ADAMTS19: variants seen among roughly 807,000 people sequenced by gnomAD.
ADAMTS19 encodes the protein ADAM metallopeptidase with thrombospondin type 1 motif 19, also known as A disintegrin and metalloproteinase with thrombospondin motifs 19.
In ADAMTS19, 93 loss-of-function variants were observed where a neutral mutation model predicts 153.3. That is an observed-to-expected ratio of 0.61 (90% CI 0.51 to 0.72). The LOEUF (loss-of-function observed/expected upper bound fraction) is 0.72, where lower values mean the gene tolerates loss of function less well. Ranked by LOEUF, ADAMTS19 falls within the 30% of genes least tolerant of loss-of-function variation. The pLI is 0.00. For missense variants in ADAMTS19, 1,482 were observed against 1,552.1 expected (o/e 0.95, Z 0.76); for synonymous variants, 600 against 556.6 (o/e 1.08, Z -1.10).
rs201517336 is a variant in ADAMTS19, at chr5:129,596,694, T to C, written c.1478+30T>C. The C allele has an allele frequency of 9.2e-5, 133 of 1,451,838 alleles. No homozygotes were observed. In the East Asian group the frequency reaches 2.9e-3, roughly 31 times the overall value. The allele number at this position is 1,451,838 out of a possible 1,614,324, so 89.9% of individuals were successfully genotyped here. ...GTAAAAATCATGGCTATGTTAAATA[T>C]GTTAGCATATAACTTTGTAATTCGA... On this transcript the variant is annotated intron_variant, in intron 8 of 22. Coordinates refer to ENST00000274487, the MANE Select transcript of ADAMTS19 (RefSeq NM_133638.6).
chr5:129,706,864 T>A (rs531354480), intron 21 of ADAMTS19, among the ~76,000 whole-genome samples: 8 of 152,218 alleles, frequency 5.3e-5, no homozygotes, highest in African/African-American at 1.9e-4. Context: ...ATTGTGGTTT[T>A]TTATGCTAAA....
At chr5:129,708,905 T>C (rs1756306657) in intron 21 of ADAMTS19, among the ~76,000 whole-genome samples, 1 of 152,126 alleles carries the variant, frequency 6.6e-6, no homozygotes, top group Non-Finnish European at 1.5e-5. Flanking sequence ...CTTTTTGAAA[T>C]GACATAATCT....
At chr5:129,505,632 G>T (rs910351606) in intron 2 of ADAMTS19, among the ~76,000 whole-genome samples, 12 of 151,966 alleles carry the variant, frequency 7.9e-5, no homozygotes, top group Non-Finnish European at 1.6e-4. Context: ...TAGAGAAAAA[G>T]AAATTTCAAC....
chr5:129,622,473 T>G, intron 10 of ADAMTS19, 125 bp downstream of exon 10: 2 of 1,111,238 alleles, frequency 1.8e-6, no homozygotes, highest in Non-Finnish European at 2.5e-6. Flanking sequence ...AGAAGGATTT[T>G]CTAAGAAAAG....
chr5:129,576,427 C>T (rs1754103006), intron 7 of ADAMTS19, among the ~76,000 whole-genome samples: 1 of 151,854 alleles, frequency 6.6e-6, no homozygotes, highest in Non-Finnish European at 1.5e-5. Flanking sequence ...CGGAGCAGGG[C>T]AAAAAATTAT....
At chr5:129,689,427 C>CT (rs1206153975) in intron 18 of ADAMTS19, among the ~76,000 whole-genome samples, 4 of 151,956 alleles carry the variant, frequency 2.6e-5, no homozygotes, top group Non-Finnish European at 4.4e-5. Context: ...TCTGTTTTTA[C>CT]TTTTTTTTCT....
chr5:129,645,654 T>G (rs138017691), intron 11 of ADAMTS19, among the ~76,000 whole-genome samples: 1 of 152,280 alleles, frequency 6.6e-6, no homozygotes, highest in African/African-American at 2.4e-5. Context: ...TAGTCTGTTA[T>G]GAACTCTAGC....
chr5:129,541,626 C>T lies in ADAMTS19; in HGVS notation c.1329-10238C>T, dbSNP rs113117868. Among the ~76,000 whole-genome samples, 232 of 152,130 alleles carry T rather than the reference C, an allele frequency of 1.5e-3. 1 individual carries two copies. Among genetic ancestry groups the T allele is most frequent in the African/African-American group, 5.2e-3 (215 of 41,540 alleles). On this transcript the variant is annotated intron_variant, in intron 6 of 22. Coordinates refer to ENST00000274487, the MANE Select transcript of ADAMTS19 (RefSeq NM_133638.6). ...CTCCCCAGACTTCTTTCTCACTGCT[C>T]CTGAGACCCTTACCACGTTACAGAG... is the stretch of plus-strand genomic sequence containing the variant.
At chr5:129,577,305 C>T (rs1222728880) in intron 7 of ADAMTS19, among the ~76,000 whole-genome samples, 1 of 152,108 alleles carries the variant, frequency 6.6e-6, no homozygotes, top group African/African-American at 2.4e-5. Context: ...ATTCCAGAAA[C>T]TGTTTCACAC....
At chr5:129,726,525 A>G (rs1757217447) in intron 21 of ADAMTS19, among the ~76,000 whole-genome samples, 1 of 152,120 alleles carries the variant, frequency 6.6e-6, no homozygotes, top group Non-Finnish European at 1.5e-5. Context: ...AGAAGGACTG[A>G]AAGAAGGGAG....
At chr5:129,606,436 C>T (rs183323870) in intron 8 of ADAMTS19, among the ~76,000 whole-genome samples, 23 of 152,252 alleles carry the variant, frequency 1.5e-4, no homozygotes, top group African/African-American at 2.9e-4. Context: ...ATTCTTCGTC[C>T]GAGAAAGCTA....
At chr5:129,668,583 T>C (rs1419194853) in intron 16 of ADAMTS19, among the ~76,000 whole-genome samples, 1 of 152,030 alleles carries the variant, frequency 6.6e-6, no homozygotes, top group Non-Finnish European at 1.5e-5. Context: ...TATGACCTAA[T>C]CACCTCTCAG....
chr5:129,468,851 A>G (rs917588443), intron 2 of ADAMTS19, among the ~76,000 whole-genome samples: 4 of 151,710 alleles, frequency 2.6e-5, no homozygotes, highest in African/African-American at 7.3e-5. Context: ...ATCTTGGCTC[A>G]CTGCAACCTC....
chr5:129,509,044 T>C, intron 2 of ADAMTS19, 33 bp from the exon 3 acceptor site: 2 of 1,487,240 alleles, frequency 1.3e-6, no homozygotes, highest in Admixed American at 2.1e-5. Flanking sequence ...CAAATGATAT[T>C]TCTTACATAT....
intron 18 of ADAMTS19, among the ~76,000 whole-genome samples, chr5:129,687,461 A>G (rs1484245260): frequency 1.3e-5 from 2 of 152,170 alleles, no homozygotes; most frequent in Non-Finnish European, 2.9e-5. Context: ...TAAAAAGCAA[A>G]TTGTCTAGGA....
intron 16 of ADAMTS19, among the ~76,000 whole-genome samples, chr5:129,665,846 A>T (rs2127083387): frequency 6.7e-6 from 1 of 150,078 alleles, no homozygotes; most frequent in Admixed American, 6.7e-5. Context: ...AACAAAACAA[A>T]AACCTCATTG....
intron 18 of ADAMTS19, among the ~76,000 whole-genome samples, chr5:129,689,723 C>A (rs998380577): frequency 1.3e-5 from 2 of 152,108 alleles, no homozygotes; most frequent in Non-Finnish European, 2.9e-5. Flanking sequence ...CCGTGCCTGG[C>A]CTGTTTTTAC....
At chr5:129,490,464 T>C (rs1184314360) in intron 2 of ADAMTS19, among the ~76,000 whole-genome samples, 1 of 152,188 alleles carries the variant, frequency 6.6e-6, no homozygotes, top group Non-Finnish European at 1.5e-5. Context: ...TGCTAGGGGC[T>C]GTGCTAAGTA....
chr5:129,730,332 G>C (rs569713506), intron 21 of ADAMTS19, among the ~76,000 whole-genome samples: 17 of 152,174 alleles, frequency 1.1e-4, no homozygotes, highest in African/African-American at 4.1e-4. Context: ...TCTTTGATCT[G>C]CTATTTGCAG....
Sources: allele counts gnomAD v4.1 joint callset (sites outside exome capture counted in the v4.1 genomes callset), GRCh38; gene constraint gnomAD v4.1.1; transcripts MANE v1.5; gene names NCBI Gene and HGNC (gene_info 2026-07-23, HGNC 2026-07-21).